The following BCKDHB variants were observed in gnomAD, a reference collection of about 807,000 sequenced individuals.
The protein encoded by BCKDHB is 2-oxoisovalerate dehydrogenase subunit beta, mitochondrial.
BCKDHB carries 41 observed loss-of-function variants against 48.5 expected under a neutral mutation model. The observed-to-expected ratio is 0.85, with a 90% CI of 0.66 to 1.10. The LOEUF (loss-of-function observed/expected upper bound fraction) is 1.10, where lower values mean the gene tolerates loss of function less well. Ranked by LOEUF, BCKDHB falls within the 50% of genes least tolerant of loss-of-function variation. The probability of loss-of-function intolerance (pLI) is 0.00; values close to 1 mark genes in which losing one functional copy is unlikely to be tolerated. For synonymous variants in BCKDHB, 201 were observed against 174.8 expected, an observed-to-expected ratio of 1.15 and a Z score of -1.18; for missense variants, 496 against 494.2, an observed-to-expected ratio of 1.00 and a Z score of -0.03.
Position 80,187,399 on chromosome 6 carries a change from G to A in BCKDHB, c.743-13535G>A, listed in dbSNP as rs150089894. On this transcript the variant is annotated intron_variant, in intron 6 of 9. Transcript: ENST00000320393. ...ACCTAAGCTTTTATTTAGAATGTTG[G>A]GGGCATGAGAACTAATTAGAAGAAG... 4.9e-3 allele frequency among the ~76,000 whole-genome samples: 744 copies of A among 151,938 alleles called. 5 individuals are homozygous for A. Among genetic ancestry groups the A allele is most frequent in the African/African-American group, 0.017 (718 of 41,404 alleles).
At chr6:80,383,034 C>G in the BCKDHB span, among the ~76,000 whole-genome samples, 1 of 152,076 alleles carries the variant, frequency 6.6e-6, no homozygotes, top group Non-Finnish European at 1.5e-5. Flanking sequence ...TGGCTGAAGA[C>G]CAGCTTTGGC....
intron 9 of BCKDHB, among the ~76,000 whole-genome samples, chr6:80,294,667 A>T (rs572588786): frequency 5.3e-4 from 81 of 152,192 alleles, no homozygotes; most frequent in African/African-American, 1.4e-3. Flanking sequence ...AAGGACTGAG[A>T]TACACCCTGG....
chr6:80,404,551 C>G, the BCKDHB span, among the ~76,000 whole-genome samples: 1 of 151,552 alleles, frequency 6.6e-6, no homozygotes, highest in Non-Finnish European at 1.5e-5. Flanking sequence ...GTTTTTCTAG[C>G]CTCTATCTCG....
At chr6:80,230,107 C>T (rs7770383) in intron 8 of BCKDHB, among the ~76,000 whole-genome samples, 68,012 of 137,968 alleles carry the variant, frequency 0.49, 16,998 homozygotes, top group East Asian at 0.69. Flanking sequence ...GGCGCTATCC[C>T]GGCTCACTGC....
the BCKDHB span, among the ~76,000 whole-genome samples, chr6:80,365,406 C>T: frequency 2.0e-5 from 3 of 152,032 alleles, no homozygotes; most frequent in African/African-American, 7.2e-5. Context: ...CAGACATTCC[C>T]AGAGGGTCTC....
At chr6:80,332,841 G>A (rs1050283853) in intron 9 of BCKDHB, among the ~76,000 whole-genome samples, 15 of 151,730 alleles carry the variant, frequency 9.9e-5, no homozygotes, top group Admixed American at 4.6e-4. Flanking sequence ...CCTGCATGCA[G>A]GCAAACGGCT....
At chr6:80,240,997 A>G (rs147259325) in intron 8 of BCKDHB, among the ~76,000 whole-genome samples, 6 of 152,080 alleles carry the variant, frequency 3.9e-5, no homozygotes, top group Admixed American at 3.3e-4. Context: ...CACTTCATTC[A>G]TCTGATCTTC....
At chr6:80,154,467 A>G (rs1179975750) in intron 3 of BCKDHB, among the ~76,000 whole-genome samples, 1 of 152,112 alleles carries the variant, frequency 6.6e-6, no homozygotes, top group Admixed American at 6.6e-5. Flanking sequence ...TCCCCCTCCT[A>G]GGACACAACT....
chr6:80,153,040 CTG>C (rs1383494393), intron 3 of BCKDHB, among the ~76,000 whole-genome samples: 8 of 152,212 alleles, frequency 5.3e-5, no homozygotes, highest in Admixed American at 2.0e-4. Context: ...CCTGTGTAGT[CTG>C]TAAGTTGCTG....
rs5877696 is a variant in BCKDHB at position 80,152,160 on chromosome 6, C to CT, written c.344-15507dup. ...GTTTATTCAGAAATATTTTTGTATT[C>CT]TTTTTTTTTTTAATCTGTTTATTCA... On this transcript the variant is annotated intron_variant, in intron 3 of 9. Coordinates refer to ENST00000320393, the MANE Select transcript of BCKDHB (RefSeq NM_183050.4). Among the ~76,000 whole-genome samples, 21 of 148,122 alleles carry CT rather than the reference C, an allele frequency of 1.4e-4. No individual in the cohort carries two copies. In the East Asian group the frequency reaches 2.8e-3, roughly 20 times the overall value.
intron 8 of BCKDHB, among the ~76,000 whole-genome samples, chr6:80,270,068 C>T (rs1281075245): frequency 6.6e-6 from 1 of 152,072 alleles, no homozygotes; most frequent in African/African-American, 2.4e-5. Flanking sequence ...TTTCACTATA[C>T]TAACATTGTT....
At chr6:80,207,034 CA>C in intron 8 of BCKDHB, among the ~76,000 whole-genome samples, 1 of 151,970 alleles carries the variant, frequency 6.6e-6, no homozygotes, top group South Asian at 2.1e-4. Context: ...TTTAGGCAAA[CA>C]GATATTGAGA....
the BCKDHB span, among the ~76,000 whole-genome samples, chr6:80,461,821 T>C: frequency 6.6e-6 from 1 of 152,180 alleles, no homozygotes; most frequent in African/African-American, 2.4e-5. Flanking sequence ...CACAAACAGT[T>C]GTCCTTATGA....
intron 8 of BCKDHB, among the ~76,000 whole-genome samples, chr6:80,260,751 A>G (rs1287402731): frequency 2.0e-5 from 3 of 152,188 alleles, no homozygotes; most frequent in Non-Finnish European, 4.4e-5. Context: ...TTACAACAAA[A>G]TGGATGTTTA....
chr6:80,434,482 T>C, the BCKDHB span, among the ~76,000 whole-genome samples: 2 of 152,082 alleles, frequency 1.3e-5, no homozygotes, highest in South Asian at 4.1e-4. Flanking sequence ...TTCTGTTTAT[T>C]AATTAAATAT....
At chr6:80,406,656 T>G in the BCKDHB span, among the ~76,000 whole-genome samples, 1 of 152,242 alleles carries the variant, frequency 6.6e-6, no homozygotes, top group Non-Finnish European at 1.5e-5. Flanking sequence ...AATGTCTTCT[T>G]TTGAGAAATG....
At chr6:80,139,147 GTTGT>G (rs1255250215) in intron 3 of BCKDHB, among the ~76,000 whole-genome samples, 1 of 152,130 alleles carries the variant, frequency 6.6e-6, no homozygotes, top group Non-Finnish European at 1.5e-5. Context: ...TTTTGATGGG[GTTGT>G]TTGTCTTTTT....
chr6:80,242,435 C>T (rs1435020063), intron 8 of BCKDHB, among the ~76,000 whole-genome samples: 1 of 152,092 alleles, frequency 6.6e-6, no homozygotes, highest in African/African-American at 2.4e-5. Context: ...GCAAATCTCC[C>T]GAACTTGCTC....
rs951709269 is a variant in BCKDHB, at chr6:80,146,093, C to T, written c.343+16864C>T. On this transcript the variant is annotated intron_variant, in intron 3 of 9. Transcript: ENST00000320393. ...TATGCTGCAATACTGACATGCCAGTCTCACCCCAGAGATTAGGAGTTACTG... is the reference window on the plus strand; with the variant it reads ...TATGCTGCAATACTGACATGCCAGTTTCACCCCAGAGATTAGGAGTTACTG... Among the ~76,000 whole-genome samples, 4 of 152,262 alleles carry T rather than the reference C, an allele frequency of 2.6e-5. No individual in the cohort carries two copies. In the South Asian group the frequency reaches 8.3e-4, roughly 32 times the overall value.
Sources: allele counts gnomAD v4.1 joint callset (sites outside exome capture counted in the v4.1 genomes callset), GRCh38; gene constraint gnomAD v4.1.1; transcripts MANE v1.5; gene names NCBI Gene and HGNC (gene_info 2026-07-23, HGNC 2026-07-21).